The following PRELID2 variants were observed in gnomAD, a reference collection of about 807,000 sequenced individuals.
The protein encoded by PRELID2 is PRELI domain containing 2.
Under a neutral mutation model 28.4 loss-of-function variants are expected in PRELID2, and 25 were observed. The ratio of observed to expected loss-of-function variants is 0.88; its 90% CI spans 0.64 to 1.23. The LOEUF (loss-of-function observed/expected upper bound fraction) is 1.23. Ranked by LOEUF, PRELID2 falls within the 50% of genes most tolerant of loss-of-function variation. The probability of loss-of-function intolerance (pLI) is 0.00; values close to 1 mark genes in which losing one functional copy is unlikely to be tolerated. For missense variants in PRELID2, 201 were observed against 214.4 expected, an observed-to-expected ratio of 0.94 and a Z score of 0.39; for synonymous variants, 76 against 71.6, an observed-to-expected ratio of 1.06 and a Z score of -0.31.
intron 1 of PRELID2, among the ~76,000 whole-genome samples, chr5:145,574,590 T>C (rs1014024316): frequency 2.5e-4 from 38 of 152,120 alleles, no homozygotes; most frequent in Admixed American, 1.6e-3. Flanking sequence ...TGTTTTGGGG[T>C]CCTTACCGAC....
chr5:145,798,017 A>C (rs1300518692), intron 4 of PRELID2, among the ~76,000 whole-genome samples: 1 of 151,942 alleles, frequency 6.6e-6, no homozygotes, highest in African/African-American at 2.4e-5. Flanking sequence ...ACAAAAAGAA[A>C]CTATGAGAAA....
the PRELID2 span, among the ~76,000 whole-genome samples, chr5:145,340,799 A>ATATATATATATATC: frequency 7.4e-6 from 1 of 134,922 alleles, no homozygotes; most frequent in Non-Finnish European, 1.6e-5. Context: ...ATATATATAT[A>ATATATATATATATC]TCCTCCCTAT....
At chr5:145,491,167 C>T (rs1347751459) in intron 1 of PRELID2, among the ~76,000 whole-genome samples, 1 of 151,996 alleles carries the variant, frequency 6.6e-6, no homozygotes, top group Non-Finnish European at 1.5e-5. Context: ...TATTTCTTAA[C>T]ATATTAAAAA....
intron 1 of PRELID2, among the ~76,000 whole-genome samples, chr5:145,525,315 G>A (rs933670240): frequency 6.6e-6 from 1 of 152,054 alleles, no homozygotes; most frequent in African/African-American, 2.4e-5. Context: ...GGTAAATTGG[G>A]GTGAAAGAAA....
At chr5:145,819,533 CTG>C (rs1383924847) in intron 3 of PRELID2, 5 of 634,636 alleles carry the variant, frequency 7.9e-6, no homozygotes, top group Non-Finnish European at 1.4e-5. Flanking sequence ...TGGGAAATAA[CTG>C]TTATCTCTGA....
At position 145,488,562 on chromosome 5, in the gene PRELID2, A is replaced by G. The variant is rs376303122; in HGVS notation, n.71-15247T>C. ...TATGAGGATTAAGATAGAAAAAAAG[A>G]AGCCACAATTATTCATAAAAATCAA... On this transcript the variant is annotated intron_variant and non_coding_transcript_variant, in intron 1 of 2. Transcript: ENST00000510259. Among the ~76,000 whole-genome samples the G allele has an allele frequency of 5.9e-5, 9 of 152,344 alleles. No individual in the cohort carries two copies. In the South Asian group the frequency reaches 1.7e-3, roughly 28 times the overall value.
intron 1 of PRELID2, among the ~76,000 whole-genome samples, chr5:145,639,400 T>C (rs1754057559): frequency 6.6e-6 from 1 of 152,202 alleles, no homozygotes; most frequent in African/African-American, 2.4e-5. Context: ...CTAAGCATAG[T>C]AGAATGCATT....
chr5:145,403,232 G>T, the PRELID2 span, among the ~76,000 whole-genome samples: 3 of 152,140 alleles, frequency 2.0e-5, no homozygotes, highest in Admixed American at 2.0e-4. Context: ...CCATAGCTTT[G>T]AAAGTAGTTT....
the PRELID2 span, among the ~76,000 whole-genome samples, chr5:145,399,954 A>G: frequency 6.6e-6 from 1 of 151,972 alleles, no homozygotes; most frequent in Non-Finnish European, 1.5e-5. Context: ...ATTACCTCCC[A>G]CTCGGTACCT....
intron 1 of PRELID2, among the ~76,000 whole-genome samples, chr5:145,667,041 G>A (rs959579447): frequency 2.6e-5 from 4 of 151,984 alleles, no homozygotes; most frequent in African/African-American, 9.7e-5. Context: ...GGGAATGAGA[G>A]GTCTCTAGTG....
At chr5:145,778,064 G>A (rs1412813380) in intron 5 of PRELID2, among the ~76,000 whole-genome samples, 1 of 152,208 alleles carries the variant, frequency 6.6e-6, no homozygotes, top group Non-Finnish European at 1.5e-5. Flanking sequence ...TCCCACCAGA[G>A]TGGGAATTTG....
chr5:145,805,495 G>A (rs1753433654), intron 4 of PRELID2, among the ~76,000 whole-genome samples: 1 of 152,046 alleles, frequency 6.6e-6, no homozygotes, highest in South Asian at 2.1e-4. Context: ...TAAAAATGTC[G>A]ATTTTTCATG....
chr5:145,266,063 C>G, the PRELID2 span, among the ~76,000 whole-genome samples: 1 of 152,158 alleles, frequency 6.6e-6, no homozygotes, highest in Admixed American at 6.5e-5. Flanking sequence ...ACAATCTATA[C>G]TGCCAACAAA....
chr5:145,536,699 T>C lies in PRELID2; in HGVS notation n.71-63384A>G, dbSNP rs186390642. Among the ~76,000 whole-genome samples, 244 of 152,058 alleles carry C rather than the reference T, an allele frequency of 1.6e-3. 1 individual carries two copies. Among genetic ancestry groups the C allele is most frequent in the African/African-American group, 5.7e-3 (235 of 41,538 alleles). ...AGGCAGTTAACTTAGTCCTGGCCCC[T>C]TAGAGGCTGTAATGAAATATTGGTT... On this transcript the variant is annotated intron_variant and non_coding_transcript_variant, in intron 1 of 2. Coordinates refer to the PRELID2 transcript ENST00000510259.
chr5:145,351,854 G>GC, the PRELID2 span, among the ~76,000 whole-genome samples: 3 of 152,210 alleles, frequency 2.0e-5, no homozygotes, highest in East Asian at 5.8e-4. Context: ...GGGGTTACAT[G>GC]CCCCTTGAAG....
chr5:145,725,588 T>A (rs1756123657), intron 1 of PRELID2, among the ~76,000 whole-genome samples: 2 of 152,174 alleles, frequency 1.3e-5, no homozygotes, highest in African/African-American at 4.8e-5. Context: ...GCAGTAAGAT[T>A]CTTAAACGCT....
intron 1 of PRELID2, among the ~76,000 whole-genome samples, chr5:145,597,434 T>A (rs1753325427): frequency 6.6e-6 from 1 of 152,172 alleles, no homozygotes; most frequent in African/African-American, 2.4e-5. Context: ...TTGGCATGAA[T>A]TCTGACAGGG....
intron 1 of PRELID2, among the ~76,000 whole-genome samples, chr5:145,588,627 G>C (rs1753185242): frequency 1.3e-5 from 2 of 152,154 alleles, no homozygotes; most frequent in South Asian, 4.1e-4. Context: ...GTGCACATGT[G>C]TCAAAAATGA....
At chr5:145,830,963 C>T (rs1755544121) in intron 1 of PRELID2, among the ~76,000 whole-genome samples, 2 of 152,168 alleles carry the variant, frequency 1.3e-5, no homozygotes, top group South Asian at 4.1e-4. Context: ...AGTGCTAAAG[C>T]AGCTTCAAAC....
Sources: allele counts gnomAD v4.1 joint callset (sites outside exome capture counted in the v4.1 genomes callset), GRCh38; gene constraint gnomAD v4.1.1; transcripts MANE v1.5; gene names NCBI Gene and HGNC (gene_info 2026-07-23, HGNC 2026-07-21).